The following FAM227B variants were observed in gnomAD, a reference collection of about 807,000 sequenced individuals.
The protein encoded by FAM227B is family with sequence similarity 227 member B, also known as protein FAM227B.
Under a neutral mutation model 73.8 loss-of-function variants are expected in FAM227B, and 88 were observed. The observed-to-expected ratio is 1.19, with a 90% CI of 1.00 to 1.42. The LOEUF is 1.42. Ranked by LOEUF, FAM227B falls within the 40% of genes most tolerant of loss-of-function variation. FAM227B has a pLI of 0.00. For missense variants in FAM227B, 632 were observed against 590.9 expected (o/e 1.07, Z -0.72); for synonymous variants, 210 against 190.5 (o/e 1.10, Z -0.84).
chr15:49,387,930 T>C (rs911206728), intron 11 of FAM227B, among the ~76,000 whole-genome samples: 4 of 151,310 alleles, frequency 2.6e-5, no homozygotes, highest in Non-Finnish European at 4.4e-5. Context: ...ACTATGGAGG[T>C]GAAAGATCTC....
At chr15:49,432,498 C>A (rs1290369012) in intron 11 of FAM227B, among the ~76,000 whole-genome samples, 3 of 151,666 alleles carry the variant, frequency 2.0e-5, no homozygotes, top group Admixed American at 6.6e-5. Context: ...TAACACTCCT[C>A]CTCTCCCTCA....
At position 49,356,461 on chromosome 15, in the gene FAM227B, C is replaced by G. The variant is rs1467123012; in HGVS notation, c.1271+10987G>C. Among the ~76,000 whole-genome samples the G allele has an allele frequency of 2.0e-5, 3 of 150,148 alleles. No individual in the cohort carries two copies. The South Asian group carries it at 6.5e-4, about 32-fold the overall frequency. On this transcript the variant is annotated intron_variant, in intron 13 of 15. Transcript: ENST00000299338. ...AGTCTCTGATACAACAGACTTTAAA[C>G]CAACAAAGATCAAAAGAGACAAAGA...
intron 11 of FAM227B, among the ~76,000 whole-genome samples, chr15:49,438,510 A>C (rs745780880): frequency 1.3e-5 from 2 of 151,736 alleles, no homozygotes; most frequent in Non-Finnish European, 3.0e-5. Context: ...CCAAAGAGTT[A>C]TCAGTCTTAG....
chr15:49,328,743 T>C (rs2037980929), intron 15 of FAM227B, 68 bp from the exon 16 acceptor site: 2 of 1,505,840 alleles, frequency 1.3e-6, no homozygotes, highest in Non-Finnish European at 1.8e-6. Context: ...AATTTGAATG[T>C]GAGATTTCTC....
chr15:49,586,321 T>C (rs2076160195), intron 5 of FAM227B, among the ~76,000 whole-genome samples: 2 of 152,116 alleles, frequency 1.3e-5, no homozygotes, highest in African/African-American at 4.8e-5. Flanking sequence ...AATGCTGGGA[T>C]AACTGGCTAG....
intron 11 of FAM227B, among the ~76,000 whole-genome samples, chr15:49,380,748 G>A (rs551597586): frequency 1.3e-5 from 2 of 150,690 alleles, no homozygotes; most frequent in South Asian, 4.2e-4. Context: ...TTCTACTCAA[G>A]CTAAACACTT....
chr15:49,337,739 A>G (rs1196813225), intron 13 of FAM227B, among the ~76,000 whole-genome samples: 1 of 150,158 alleles, frequency 6.7e-6, no homozygotes, highest in African/African-American at 2.5e-5. Context: ...CTCATTGTTC[A>G]ATTCCCACTT....
At chr15:49,411,613 A>T (rs2151686857) in intron 11 of FAM227B, among the ~76,000 whole-genome samples, 1 of 152,240 alleles carries the variant, frequency 6.6e-6, no homozygotes, top group East Asian at 1.9e-4. Context: ...CAGTTTTGAA[A>T]TAGACTTTTA....
chr15:49,524,100 A>C (rs1448856473), intron 10 of FAM227B, among the ~76,000 whole-genome samples: 1 of 152,230 alleles, frequency 6.6e-6, no homozygotes, highest in African/African-American at 2.4e-5. Context: ...CAGCTGCAAA[A>C]TTTGCATAAG....
chr15:49,365,251 A>T, intron 13 of FAM227B: 1 of 1,164,890 alleles, frequency 8.6e-7, no homozygotes, highest in Non-Finnish European at 1.3e-6. Context: ...TCCAGGCAAC[A>T]ACTGAGGCAA....
At chr15:49,396,215 G>A (rs1004791817) in intron 11 of FAM227B, 9 of 347,836 alleles carry the variant, frequency 2.6e-5, no homozygotes, top group East Asian at 2.5e-4. Flanking sequence ...TTCCCTTTCC[G>A]AGTCAAAGAA....
At chr15:49,534,845 A>T (rs1164432140) in intron 10 of FAM227B, among the ~76,000 whole-genome samples, 1 of 151,736 alleles carries the variant, frequency 6.6e-6, no homozygotes, top group Non-Finnish European at 1.5e-5. Flanking sequence ...ATCCTGGCCA[A>T]TGGGTCAAAG....
chr15:49,331,039 T>G (rs2038630275), intron 15 of FAM227B: 1 of 152,272 alleles, frequency 6.6e-6, no homozygotes, highest in Admixed American at 6.5e-5. Context: ...CCCAGGTGTT[T>G]CACTCTTTCT....
intron 5 of FAM227B, among the ~76,000 whole-genome samples, chr15:49,583,815 G>T (rs1284337150): frequency 6.6e-6 from 1 of 152,098 alleles, no homozygotes; most frequent in Non-Finnish European, 1.5e-5. Context: ...GAGCCAAAAA[G>T]AAATTGAATC....
chr15:49,582,503 G>A (rs1275865479), intron 5 of FAM227B, among the ~76,000 whole-genome samples: 2 of 152,162 alleles, frequency 1.3e-5, no homozygotes, highest in Admixed American at 1.3e-4. Context: ...CCTTCAAAGA[G>A]ACTTAGACTC....
At chr15:49,512,716 G>A (rs1401401414) in intron 10 of FAM227B, among the ~76,000 whole-genome samples, 1 of 151,948 alleles carries the variant, frequency 6.6e-6, no homozygotes, top group Non-Finnish European at 1.5e-5. Context: ...GCATGCATTA[G>A]CTATTTGTCC....
At chr15:49,571,257 C>T (rs2075079692) in intron 8 of FAM227B, among the ~76,000 whole-genome samples, 1 of 151,844 alleles carries the variant, frequency 6.6e-6, no homozygotes, top group South Asian at 2.1e-4. Context: ...ACATTAACCC[C>T]TTATCAGATG....
At chr15:49,425,334 A>C (rs895007110) in intron 11 of FAM227B, 3 of 152,020 alleles carry the variant, frequency 2.0e-5, no homozygotes, top group African/African-American at 7.2e-5. Context: ...TTTTCCCAAG[A>C]ATCAGTTATT....
chr15:49,547,409 G>A (rs1598102333), intron 9 of FAM227B, among the ~76,000 whole-genome samples: 2 of 151,418 alleles, frequency 1.3e-5, no homozygotes, highest in African/African-American at 4.9e-5. Flanking sequence ...AAAATGACAG[G>A]ATCAAATTCA....
Sources: allele counts gnomAD v4.1 joint callset (sites outside exome capture counted in the v4.1 genomes callset), GRCh38; gene constraint gnomAD v4.1.1; transcripts MANE v1.5; gene names NCBI Gene and HGNC (gene_info 2026-07-23, HGNC 2026-07-21).